The following FER1L6 variants were observed in gnomAD, a reference collection of about 807,000 sequenced individuals.
FER1L6 encodes the protein fer-1 like family member 6.
Under a neutral mutation model 219.2 loss-of-function variants are expected in FER1L6, and 177 were observed. The ratio of observed to expected loss-of-function variants is 0.81; its 90% CI spans 0.71 to 0.91. FER1L6 has a LOEUF of 0.91. FER1L6 is among the 40% of genes least tolerant of loss of function. The pLI, the probability that FER1L6 is intolerant of heterozygous loss-of-function variation, is 0.00. For synonymous variants in FER1L6, 768 were observed against 824.3 expected (o/e 0.93, Z 1.17); for missense variants, 2,153 against 2,259.9 (o/e 0.95, Z 0.96).
chr8:124,064,595 ATATTT>A (rs779826020), intron 26 of FER1L6, 22 bp downstream of exon 26: 1 of 1,604,330 alleles, frequency 6.2e-7, no homozygotes, highest in Non-Finnish European at 8.5e-7. Context: ...ATCCCTCTCT[ATATTT>A]ACAAGGCTCA....
rs139569197 is a variant in FER1L6 at position 123,963,049 on chromosome 8, C to T, written c.77-229C>T. The stretch of plus-strand genomic sequence containing the variant: ...CGATTTTTCTTTTCACAGTCCCATC[C>T]ACATAAATCTGTTCTTTTTTGGAAA... On this transcript the variant is annotated intron_variant, in intron 2 of 40. Transcript: ENST00000522917. Among the ~76,000 whole-genome samples, 868 of 152,298 alleles carry T rather than the reference C, an allele frequency of 5.7e-3. 7 individuals are homozygous for T. The highest frequency in any genetic ancestry group is 8.4e-3 in the Non-Finnish European group (569 of 68,028).
At chr8:123,984,148 GT>G in intron 11 of FER1L6, 1 of 151,332 alleles carries the variant, frequency 6.6e-6, no homozygotes, top group South Asian at 2.1e-4. Context: ...ATGGTGATAT[GT>G]ATAGGCTTTT....
At chr8:123,924,146 A>G (rs1586470990) in intron 1 of FER1L6, among the ~76,000 whole-genome samples, 1 of 146,204 alleles carries the variant, frequency 6.8e-6, no homozygotes, top group South Asian at 2.3e-4. Flanking sequence ...GAGGCAGGAG[A>G]ATTGCTTGAA....
intron 1 of FER1L6, among the ~76,000 whole-genome samples, chr8:123,880,468 C>T (rs1158437209): frequency 6.6e-6 from 1 of 152,184 alleles, no homozygotes; most frequent in Non-Finnish European, 1.5e-5. Flanking sequence ...GGAAGCTGAT[C>T]TCCCAGTTTT....
At chr8:124,034,953 C>T (rs145261197) in intron 18 of FER1L6, among the ~76,000 whole-genome samples, 1 of 152,268 alleles carries the variant, frequency 6.6e-6, no homozygotes, top group African/African-American at 2.4e-5. Flanking sequence ...TCTCTCTGAG[C>T]CTGTGTTTCC....
At chr8:124,108,127 A>C (rs949102562) in intron 39 of FER1L6, among the ~76,000 whole-genome samples, 3 of 152,168 alleles carry the variant, frequency 2.0e-5, no homozygotes, top group African/African-American at 7.2e-5. Context: ...TGGGGTGCCG[A>C]GGCACGAGGA....
intron 20 of FER1L6, among the ~76,000 whole-genome samples, chr8:124,045,466 T>C (rs930578931): frequency 1.3e-5 from 2 of 152,238 alleles, no homozygotes; most frequent in Non-Finnish European, 2.9e-5. Flanking sequence ...AGTGTTATCA[T>C]TGGCACTACT....
intron 1 of FER1L6, among the ~76,000 whole-genome samples, chr8:123,921,580 GC>G (rs1813364487): frequency 6.8e-6 from 1 of 146,818 alleles, no homozygotes; most frequent in Admixed American, 6.9e-5. Context: ...TTGCTGTGTT[GC>G]CCAGGATGGT....
intron 16 of FER1L6, among the ~76,000 whole-genome samples, chr8:124,019,069 G>T (rs1291617309): frequency 6.6e-6 from 1 of 152,120 alleles, no homozygotes; most frequent in East Asian, 1.9e-4. Context: ...ACACAAGCCT[G>T]ATTAGATCAT....
At chr8:124,057,909 T>C (rs7007739) in intron 22 of FER1L6, among the ~76,000 whole-genome samples, 121,633 of 152,112 alleles carry the variant, frequency 0.8, 49,062 homozygotes, top group Non-Finnish European at 0.86. Context: ...AGATTAAGCA[T>C]TGTTACTTTA....
At chr8:124,071,279 T>C (rs1361222731) in intron 30 of FER1L6, among the ~76,000 whole-genome samples, 2 of 152,148 alleles carry the variant, frequency 1.3e-5, no homozygotes, top group African/African-American at 4.8e-5. Context: ...AACAGTCCTG[T>C]GAGGGGGTTG....
At chr8:124,109,404 G>T (rs1822921630) in intron 39 of FER1L6, among the ~76,000 whole-genome samples, 1 of 152,168 alleles carries the variant, frequency 6.6e-6, no homozygotes, top group Admixed American at 6.5e-5. Flanking sequence ...CCGCCTTCTT[G>T]AACATGTCTA....
At chr8:123,859,524 C>T (rs996854186) in intron 1 of FER1L6, among the ~76,000 whole-genome samples, 6 of 151,356 alleles carry the variant, frequency 4.0e-5, no homozygotes, top group South Asian at 2.1e-4. Context: ...CTCAGCCTCT[C>T]GTAACCACCT....
At chr8:124,056,249 C>T (rs1820290214) in intron 22 of FER1L6, among the ~76,000 whole-genome samples, 2 of 152,218 alleles carry the variant, frequency 1.3e-5, no homozygotes, top group African/African-American at 2.4e-5. Context: ...AATATCTCAG[C>T]CTACCTACAG....
chr8:123,874,262 C>T (rs1409667597), intron 1 of FER1L6, among the ~76,000 whole-genome samples: 1 of 152,196 alleles, frequency 6.6e-6, no homozygotes, highest in East Asian at 1.9e-4. Flanking sequence ...TTCATACCTT[C>T]TTTTCTCAAG....
chr8:124,034,622 G>A (rs1462745551), intron 18 of FER1L6, among the ~76,000 whole-genome samples: 8 of 152,200 alleles, frequency 5.3e-5, no homozygotes, highest in Admixed American at 5.2e-4. Context: ...AGCAGTAAGG[G>A]AATCTGAGAC....
At chr8:123,882,506 G>C (rs1817126646) in intron 1 of FER1L6, among the ~76,000 whole-genome samples, 1 of 152,182 alleles carries the variant, frequency 6.6e-6, no homozygotes, top group African/African-American at 2.4e-5. Flanking sequence ...TATTTACTGA[G>C]CACTGACCAT....
intron 39 of FER1L6, among the ~76,000 whole-genome samples, chr8:124,104,277 G>A (rs1057216243): frequency 6.6e-6 from 1 of 152,150 alleles, no homozygotes; most frequent in Non-Finnish European, 1.5e-5. Context: ...GCTTGGTTAT[G>A]GGCAATCAAT....
At chr8:124,009,958 A>G (rs1313458411) in intron 13 of FER1L6, among the ~76,000 whole-genome samples, 1 of 151,998 alleles carries the variant, frequency 6.6e-6, no homozygotes. Context: ...AGACCCAGGG[A>G]GGAGCAATGT....
Sources: gnomAD v4.1 joint callset for allele counts (sites outside exome capture counted in the v4.1 genomes callset) on GRCh38, gnomAD v4.1.1 for gene constraint, MANE v1.5 for transcripts, NCBI Gene and HGNC (gene_info 2026-07-23, HGNC 2026-07-21) for gene names.